Variants in TBC1D21 observed in about 807,000 individuals in gnomAD.
TBC1D21 encodes male germ cell Rab GTPase-activating protein.
In TBC1D21, 38 loss-of-function variants were observed where a neutral mutation model predicts 46.0. The observed-to-expected ratio is 0.83, with a 90% CI of 0.64 to 1.08. The LOEUF (loss-of-function observed/expected upper bound fraction) is 1.08, where lower values mean the gene tolerates loss of function less well. TBC1D21 is among the 50% of genes least tolerant of loss of function. TBC1D21 has a pLI of 0.00. For missense variants in TBC1D21, 415 were observed against 417.9 expected (o/e 0.99, Z 0.06); for synonymous variants, 151 against 157.2 (o/e 0.96, Z 0.29).
chr15:73,887,531 C>A, intron 8 of TBC1D21, 89 bp from the exon 9 acceptor site: 1 of 1,102,360 alleles, frequency 9.1e-7, no homozygotes, highest in Non-Finnish European at 1.4e-6. Flanking sequence ...TGGCTGACTC[C>A]AGGCACGTGG....
chr15:73,881,761 G>A lies in TBC1D21; in HGVS notation c.272+14G>A, dbSNP rs756617554. 246 of 1,611,370 alleles carry A rather than the reference G, an allele frequency of 1.5e-4. No individual in the cohort carries two copies. The East Asian group carries it at 5.5e-3, about 36-fold the overall frequency. ...CAGCATGAGGAGGTAGAACACTCCA[G>A]ACCCTGCTGGGACAGGAGGGGGGCC... On this transcript the variant is annotated intron_variant, in intron 3 of 10. Transcript: ENST00000300504.
At chr15:73,900,904 A>T in the TBC1D21 span, among the ~76,000 whole-genome samples, 2 of 152,196 alleles carry the variant, frequency 1.3e-5, no homozygotes, top group African/African-American at 4.8e-5. Context: ...GCTAATAGCT[A>T]CGGTTATTCC....
the TBC1D21 span, among the ~76,000 whole-genome samples, chr15:73,898,880 A>AAAAAAAATATATATATATATATATAT: frequency 5.3e-5 from 3 of 56,778 alleles, no homozygotes; most frequent in African/African-American, 1.1e-4. Context: ...AAAAAAAAAA[A>AAAAAAAATATATATATATATATATAT]ATATATATAT....
chr15:73,888,609 T>C lies in TBC1D21; in HGVS notation c.978+96T>C, dbSNP rs1019244012. On this transcript the variant is annotated intron_variant, in intron 10 of 10. Coordinates refer to ENST00000300504, the MANE Select transcript of TBC1D21 (RefSeq NM_153356.3). ...CCTCCTCCTCCTCCTCCTCCTCTTC[T>C]TCCTCCTCCTCCTCTTCTTCCTCCT... The C allele has an allele frequency of 1.2e-3, 879 of 708,040 alleles. 8 individuals carry two copies. The African/African-American group carries it at 0.015, about 12-fold the overall frequency. 43.9% of individuals were successfully genotyped at this position (708,040 alleles called of 1,614,324 possible).
the TBC1D21 span, among the ~76,000 whole-genome samples, chr15:73,904,487 T>C: frequency 6.6e-6 from 1 of 152,212 alleles, no homozygotes; most frequent in Non-Finnish European, 1.5e-5. Context: ...AAATTGGCAA[T>C]TGCTACAAAT....
At position 73,881,411 on chromosome 15, in the gene TBC1D21, C is replaced by A. The variant is rs1372730607; in HGVS notation, c.73C>A (p.Pro25Thr). 1 of 1,614,072 alleles carries A rather than the reference C, an allele frequency of 6.2e-7. No individual in the cohort carries two copies. The highest frequency in any genetic ancestry group is 8.5e-7 in the Non-Finnish European group (1 of 1,179,960). The change falls in exon 2 of 11, where the codon CCA becomes ACA. Residue 25 changes from proline (P) to threonine (T), a missense_variant. Coordinates refer to ENST00000300504, the MANE Select transcript of TBC1D21 (RefSeq NM_153356.3). ...SASFILVKRK[P>T]PIDKTEWDSF... ...CTGCTTTTGCCAGGTGAAGAGAAAACCACCCATTGACAAGACAGAATGGGA... is the reference window on the plus strand; with the variant it reads ...CTGCTTTTGCCAGGTGAAGAGAAAAACACCCATTGACAAGACAGAATGGGA...
intron 1 of TBC1D21, among the ~76,000 whole-genome samples, chr15:73,878,735 T>C (rs1025116963): frequency 2.0e-5 from 3 of 152,216 alleles, no homozygotes; most frequent in Admixed American, 6.5e-5. Context: ...AAATCACAGC[T>C]GCCTTTATTA....
At chr15:73,893,689 A>G (rs2141592478), downstream of TBC1D21, among the ~76,000 whole-genome samples, 1 of 152,312 alleles carries the variant, frequency 6.6e-6, no homozygotes, top group East Asian at 1.9e-4. Context: ...GGAAGAAAGA[A>G]GGTGGGCTTT....
chr15:73,885,165 C>A lies in TBC1D21; in HGVS notation c.579+62C>A, dbSNP rs186302285. 2.7e-3 allele frequency: 3,951 copies of A among 1,458,188 alleles called. 87 individuals carry two copies. In the Admixed American group the frequency reaches 0.05, roughly 19 times the overall value. The allele number at this position is 1,458,188 out of a possible 1,614,324, so 90.3% of individuals were successfully genotyped here. On this transcript the variant is annotated intron_variant, in intron 6 of 10. Transcript: ENST00000300504. Reference sequence around the variant, plus strand: ...CAACCCCCCACTACTCCCCAAACAACTCTTTGAGGATGGGCAGGCATTGGC... The same window carrying A: ...CAACCCCCCACTACTCCCCAAACAAATCTTTGAGGATGGGCAGGCATTGGC...
At chr15:73,905,014 G>C in the TBC1D21 span, among the ~76,000 whole-genome samples, 1 of 152,192 alleles carries the variant, frequency 6.6e-6, no homozygotes, top group Non-Finnish European at 1.5e-5. Flanking sequence ...ACAAACTGGA[G>C]AGTGACAAAC....
the TBC1D21 span, among the ~76,000 whole-genome samples, chr15:73,895,500 G>A: frequency 3.9e-5 from 6 of 152,160 alleles, no homozygotes; most frequent in African/African-American, 1.2e-4. Context: ...ATTCTGAGCC[G>A]GCACATAAAA....
At chr15:73,883,254 A>T (rs1178517964) in intron 3 of TBC1D21, among the ~76,000 whole-genome samples, 2 of 152,140 alleles carry the variant, frequency 1.3e-5, no homozygotes, top group Admixed American at 6.5e-5. Context: ...TGGGCTAGGG[A>T]GCTCAGAGAG....
At chr15:73,881,573 T>A in intron 2 of TBC1D21, 67 bp downstream of exon 2, 2 of 1,599,960 alleles carry the variant, frequency 1.3e-6, no homozygotes, top group Middle Eastern at 1.7e-4. Flanking sequence ...GGGGCAGGTG[T>A]GGCGTTGGAT....
rs1481234550 is a variant in TBC1D21 at position 73,885,005 on chromosome 15, T to C, written c.481T>C (p.Tyr161His). The part of the protein sequence containing the change: ...LSYVCNTQAE[Y>H]QQGFHEMMML... ...CCCCAACCCCCTCTTCGCCACAGAG[T>C]ACCAGCAGGGCTTCCATGAGATGAT... Residue 161 changes from tyrosine (Y) to histidine (H), a missense_variant and splice_region_variant, in exon 6 of 11, where the codon TAC becomes CAC. Tyr to His is a moderately conservative substitution (Grantham distance 83). Coordinates refer to ENST00000300504, the MANE Select transcript of TBC1D21 (RefSeq NM_153356.3). 1 of 1,603,248 alleles carries C rather than the reference T, an allele frequency of 6.2e-7. No homozygotes were observed. The highest frequency in any genetic ancestry group is 8.5e-7 in the Non-Finnish European group (1 of 1,176,536).
rs1005495198 is a variant in TBC1D21, at chr15:73,873,615, CT to C, written c.-94del. 1 of 1,407,488 alleles carries C rather than the reference CT, an allele frequency of 7.1e-7. No individual in the cohort carries two copies. The highest frequency in any genetic ancestry group is 1.3e-5 in the South Asian group (1 of 79,128). The allele number at this position is 1,407,488 out of a possible 1,614,324, so 87.2% of individuals were successfully genotyped here. A position where few individuals can be genotyped will look rare whatever the true frequency, so the allele number is the denominator to read the frequency against. ...GTGGGAGGTCAGGAGCAGCCAGTTC[CT>C]CCTGGGAATGCAACCCATCTCCGAA... On this transcript the variant is annotated 5_prime_UTR_variant, in exon 1 of 11. Coordinates refer to ENST00000300504, the MANE Select transcript of TBC1D21 (RefSeq NM_153356.3).
chr15:73,878,494 T>G (rs985466588), intron 1 of TBC1D21, among the ~76,000 whole-genome samples: 1 of 152,182 alleles, frequency 6.6e-6, no homozygotes, highest in Admixed American at 6.5e-5. Context: ...TATTAGAAAT[T>G]TAAATTTTAA....
the TBC1D21 span, among the ~76,000 whole-genome samples, chr15:73,905,479 C>A: frequency 1.3e-5 from 2 of 152,160 alleles, no homozygotes; most frequent in Non-Finnish European, 2.9e-5. Flanking sequence ...AGATTAGAGT[C>A]CCCGGATTCA....
At chr15:73,886,899 C>G (rs1409921152) in intron 8 of TBC1D21, among the ~76,000 whole-genome samples, 3 of 152,240 alleles carry the variant, frequency 2.0e-5, no homozygotes, top group Admixed American at 1.3e-4. Flanking sequence ...TGCAGCTCCA[C>G]TTCCCCGCTG....
downstream of TBC1D21, chr15:73,889,231 CTA>C (rs1475150339): frequency 7.8e-6 from 9 of 1,156,540 alleles, no homozygotes; most frequent in Admixed American, 4.0e-5. Context: ...GTGGTGGATG[CTA>C]TGTCTTTGAC....
Sources: allele counts gnomAD v4.1 joint callset (sites outside exome capture counted in the v4.1 genomes callset), GRCh38; gene constraint gnomAD v4.1.1; transcripts MANE v1.5; gene names NCBI Gene and HGNC (gene_info 2026-07-23, HGNC 2026-07-21).